The following RASA2 variants were observed in gnomAD, a reference collection of about 807,000 sequenced individuals.
RASA2 encodes the protein ras GTPase-activating protein 2.
A neutral mutation model predicts 118.2 loss-of-function variants in RASA2; 155 were observed. The observed-to-expected ratio is 1.31, with a 90% CI of 1.15 to 1.50. The LOEUF (loss-of-function observed/expected upper bound fraction) is 1.50, where lower values mean the gene tolerates loss of function less well. Ranked by LOEUF, RASA2 falls within the 40% of genes most tolerant of loss-of-function variation. RASA2 has a pLI of 0.00. For synonymous variants in RASA2, 353 were observed against 349.1 expected, an observed-to-expected ratio of 1.01 and a Z score of -0.12; for missense variants, 1,016 against 1,009.6, an observed-to-expected ratio of 1.01 and a Z score of -0.09.
intron 5 of RASA2, among the ~76,000 whole-genome samples, chr3:141,544,181 T>C (rs2082449914): frequency 6.6e-6 from 1 of 152,130 alleles, no homozygotes; most frequent in Non-Finnish European, 1.5e-5. Flanking sequence ...CAGCCTGCCT[T>C]TAGATTTCTA....
At chr3:141,488,522 G>C (rs2081604801) in intron 1 of RASA2, among the ~76,000 whole-genome samples, 1 of 152,102 alleles carries the variant, frequency 6.6e-6, no homozygotes, top group Non-Finnish European at 1.5e-5. Context: ...AAGCAGACAT[G>C]TTAACTTTTC....
chr3:141,514,453 A>G (rs543342137), intron 2 of RASA2, among the ~76,000 whole-genome samples: 2 of 152,294 alleles, frequency 1.3e-5, no homozygotes, highest in South Asian at 2.1e-4. Flanking sequence ...CTTTCTGGGG[A>G]GATAAAAATG....
rs538480648 is a variant in RASA2, at chr3:141,494,828, C to T, written c.133+7612C>T. On this transcript the variant is annotated intron_variant, in intron 1 of 23. Transcript: ENST00000286364. Reference sequence around the variant, plus strand: ...AGTCTTCTTGATTTGTGAGAAAATGCTTTATGCTGTAAGGAAGTTAGCTAT... The same window carrying T: ...AGTCTTCTTGATTTGTGAGAAAATGTTTTATGCTGTAAGGAAGTTAGCTAT... Among the ~76,000 whole-genome samples, 5 of 151,876 alleles carry T rather than the reference C, an allele frequency of 3.3e-5. 1 individual carries two copies. The South Asian group carries it at 8.3e-4, about 25-fold the overall frequency.
rs757160095 is a variant in RASA2, at chr3:141,559,939, A to G, written c.807A>G (p.Leu269=). 6.2e-7 allele frequency: 1 copy of G among 1,613,326 alleles called. No homozygotes were observed. Among genetic ancestry groups the G allele is most frequent in the South Asian group, 1.1e-5 (1 of 91,062 alleles). Residue 269 remains leucine, a synonymous_variant, in exon 9 of 24, where the codon CTA becomes CTG. Coordinates refer to ENST00000286364, the MANE Select transcript of RASA2 (RefSeq NM_006506.5). ...NNGNLVQDVF[L]GEIKVPVNVL... ...GAAACCTAGTCCAAGATGTTTTCCTAGGTGAGATTAAGGTTCCTGTGAACG... is the reference window on the plus strand; with the variant it reads ...GAAACCTAGTCCAAGATGTTTTCCTGGGTGAGATTAAGGTTCCTGTGAACG...
At position 141,494,366 on chromosome 3, in the gene RASA2, C is replaced by T. The variant is rs116618208; in HGVS notation, c.133+7150C>T. On this transcript the variant is annotated intron_variant, in intron 1 of 23. Coordinates refer to ENST00000286364, the MANE Select transcript of RASA2 (RefSeq NM_006506.5). ...TACTGGTCTATGAAATAAAAAGGAACATTTAATTTGTAGTTTTAATTTGCA... is the reference window on the plus strand; with the variant it reads ...TACTGGTCTATGAAATAAAAAGGAATATTTAATTTGTAGTTTTAATTTGCA... 4.6e-3 allele frequency among the ~76,000 whole-genome samples: 697 copies of T among 152,308 alleles called. 5 individuals are homozygous for T. The highest frequency in any genetic ancestry group is 0.016 in the African/African-American group (666 of 41,578).
At chr3:141,526,337 T>A (rs1263282656) in intron 3 of RASA2, among the ~76,000 whole-genome samples, 1 of 150,026 alleles carries the variant, frequency 6.7e-6, no homozygotes, top group Non-Finnish European at 1.5e-5. Flanking sequence ...TCGTGAGGCT[T>A]TTTTTTTTAT....
chr3:141,547,483 A>G (rs2082502848), intron 5 of RASA2, among the ~76,000 whole-genome samples: 2 of 151,916 alleles, frequency 1.3e-5, no homozygotes, highest in Admixed American at 6.6e-5. Flanking sequence ...TACTTTCTTG[A>G]TTTATTTTTC....
intron 3 of RASA2, among the ~76,000 whole-genome samples, chr3:141,528,509 C>T (rs1339871727): frequency 6.6e-6 from 1 of 150,822 alleles, no homozygotes; most frequent in East Asian, 1.9e-4. Flanking sequence ...TGTAACTTTT[C>T]TCTGTTTGAA....
intron 22 of RASA2, 23 bp downstream of exon 22, chr3:141,609,546 T>C (rs761119409): frequency 2.7e-6 from 4 of 1,490,876 alleles, no homozygotes; most frequent in Middle Eastern, 4.2e-4. Flanking sequence ...TCTATTTTTA[T>C]ATAACCATAA....
chr3:141,601,690 A>C (rs916466047), intron 19 of RASA2, among the ~76,000 whole-genome samples: 3 of 151,976 alleles, frequency 2.0e-5, no homozygotes, highest in Admixed American at 2.0e-4. Flanking sequence ...ATTTTTCAAG[A>C]GCTTGTTGGG....
At chr3:141,547,294 A>G (rs2082499414) in intron 5 of RASA2, among the ~76,000 whole-genome samples, 1 of 152,070 alleles carries the variant, frequency 6.6e-6, no homozygotes, top group Non-Finnish European at 1.5e-5. Context: ...TTTAGGTAGT[A>G]TGGACATTTT....
chr3:141,598,631 TAACTG>T (rs2083412705), intron 19 of RASA2, among the ~76,000 whole-genome samples: 1 of 152,202 alleles, frequency 6.6e-6, no homozygotes, highest in African/African-American at 2.4e-5. Flanking sequence ...CTTGAACAAA[TAACTG>T]AATTTAATTT....
chr3:141,518,269 G>A (rs1260692170), intron 3 of RASA2, among the ~76,000 whole-genome samples: 2 of 151,146 alleles, frequency 1.3e-5, no homozygotes, highest in East Asian at 4.0e-4. Flanking sequence ...GGCAGATCAC[G>A]AGGTCAGGAG....
rs1000991046 is a variant in RASA2 at position 141,516,380 on chromosome 3, T to A, written c.304T>A (p.Leu102Met). 2 of 1,570,098 alleles carry A rather than the reference T, an allele frequency of 1.3e-6. No homozygotes were observed. The highest frequency in any genetic ancestry group is 2.7e-5 in the African/African-American group (2 of 73,292). Reference sequence around the variant, plus strand: ...TGAGATTCCAAGAACTTTCCAGTATTTGTCTTTCTATGTTTATGATAAGAA... The same window carrying A: ...TGAGATTCCAAGAACTTTCCAGTATATGTCTTTCTATGTTTATGATAAGAA... ...YFEIPRTFQY[L>M]SFYVYDKNVL... The change falls in exon 3 of 24, where the codon TTG becomes ATG. Residue 102 changes from leucine (L) to methionine (M), a missense_variant. Leu to Met is a conservative substitution (Grantham distance 15). Coordinates refer to ENST00000286364, the MANE Select transcript of RASA2 (RefSeq NM_006506.5).
intron 23 of RASA2, among the ~76,000 whole-genome samples, chr3:141,610,812 T>G (rs1356452095): frequency 1.3e-5 from 2 of 152,110 alleles, no homozygotes; most frequent in African/African-American, 4.8e-5. Flanking sequence ...TAATGTTACA[T>G]TCAGTTGTAA....
At chr3:141,521,580 A>G (rs2082111737) in intron 3 of RASA2, among the ~76,000 whole-genome samples, 1 of 152,170 alleles carries the variant, frequency 6.6e-6, no homozygotes, top group African/African-American at 2.4e-5. Flanking sequence ...GATTTCCAGA[A>G]GTTGCCTTTG....
At chr3:141,587,343 A>G (rs1004203552) in intron 19 of RASA2, among the ~76,000 whole-genome samples, 7 of 152,384 alleles carry the variant, frequency 4.6e-5, no homozygotes, top group African/African-American at 1.7e-4. Context: ...AGCTGCAGAG[A>G]GGCAAAGCTT....
chr3:141,532,995 GAAAA>G (rs547074099), intron 4 of RASA2, among the ~76,000 whole-genome samples: 1 of 151,904 alleles, frequency 6.6e-6, no homozygotes, highest in African/African-American at 2.4e-5. Context: ...ATAAAGGAAA[GAAAA>G]AAACACCATT....
intron 4 of RASA2, among the ~76,000 whole-genome samples, chr3:141,532,097 T>C (rs1391382849): frequency 2.6e-5 from 4 of 152,136 alleles, no homozygotes; most frequent in African/African-American, 9.7e-5. Flanking sequence ...CAGTACTAAG[T>C]ACTTAATGTC....
Sources: gnomAD v4.1 joint callset for allele counts (sites outside exome capture counted in the v4.1 genomes callset) on GRCh38, gnomAD v4.1.1 for gene constraint, MANE v1.5 for transcripts, NCBI Gene and HGNC (gene_info 2026-07-23, HGNC 2026-07-21) for gene names.